Variants in NBAS observed in about 807,000 individuals in gnomAD.
The protein encoded by NBAS is NAG/BC035112 fusion.
Under a neutral mutation model 302.5 loss-of-function variants are expected in NBAS, and 219 were observed. That is an observed-to-expected ratio of 0.72 (90% CI 0.65 to 0.81). NBAS has a LOEUF of 0.81. NBAS is among the 30% of genes least tolerant of loss of function. The pLI is 0.00. For missense variants in NBAS, 2,932 were observed against 2,841.6 expected, an observed-to-expected ratio of 1.03 and a Z score of -0.72; for synonymous variants, 1,118 against 1,021.6, an observed-to-expected ratio of 1.09 and a Z score of -1.80.
the NBAS span, among the ~76,000 whole-genome samples, chr2:14,948,570 C>A: frequency 1.3e-5 from 2 of 151,662 alleles, no homozygotes; most frequent in African/African-American, 2.4e-5. Context: ...ACAAGGAAAA[C>A]CATGAAGCAA....
chr2:15,137,496 C>A, the NBAS span, among the ~76,000 whole-genome samples: 1 of 152,120 alleles, frequency 6.6e-6, no homozygotes, highest in Non-Finnish European at 1.5e-5. Context: ...AAAAATGCAT[C>A]TTATTAGAAC....
At chr2:15,453,606 A>G (rs1379374055) in intron 21 of NBAS, among the ~76,000 whole-genome samples, 1 of 152,170 alleles carries the variant, frequency 6.6e-6, no homozygotes, top group Non-Finnish European at 1.5e-5. Context: ...TCAAATTCAG[A>G]AAGAAAAATG....
Position 15,190,308 on chromosome 2 carries a change from CA to C in NBAS, c.6527del (p.Leu2176TrpfsTer11). 6.2e-7 allele frequency: 1 copy of C among 1,613,908 alleles called. No individual in the cohort carries two copies. ...SSHHEAEFQH[L>X]VLLLQAWPPM... ...GTGGCCAAGCTTGCAAAAGTAAAAC[CA>C]AGTGCTGAAATTCAGCCTCGTGGTG... On this transcript the variant is annotated frameshift_variant, in exon 49 of 52. Coordinates refer to ENST00000281513, the MANE Select transcript of NBAS (RefSeq NM_015909.4). LOFTEE classifies it high-confidence loss of function.
At chr2:14,846,658 C>CA in the NBAS span, among the ~76,000 whole-genome samples, 7 of 151,572 alleles carry the variant, frequency 4.6e-5, no homozygotes, top group Admixed American at 4.6e-4. Flanking sequence ...TAAATAGAAA[C>CA]AAAAAAGTTG....
At chr2:15,431,963 G>A (rs530034244) in intron 21 of NBAS, among the ~76,000 whole-genome samples, 9 of 151,308 alleles carry the variant, frequency 5.9e-5, no homozygotes, top group South Asian at 2.1e-4. Flanking sequence ...TTATTCTTTC[G>A]TTAGGTAAGC....
chr2:15,095,998 G>A, the NBAS span, among the ~76,000 whole-genome samples: 4 of 152,200 alleles, frequency 2.6e-5, no homozygotes, highest in Non-Finnish European at 4.4e-5. Flanking sequence ...CAGCCCAGGC[G>A]CAAGCTCCCT....
intron 6 of NBAS, among the ~76,000 whole-genome samples, chr2:15,542,814 T>G (rs1663915321): frequency 6.6e-6 from 1 of 152,210 alleles, no homozygotes; most frequent in Non-Finnish European, 1.5e-5. Flanking sequence ...TGATAACAGA[T>G]TTTTCCTCTT....
chr2:14,802,599 T>C, the NBAS span, among the ~76,000 whole-genome samples: 6 of 151,818 alleles, frequency 4.0e-5, no homozygotes, highest in Non-Finnish European at 7.4e-5. Context: ...CGTATGTTTA[T>C]TGCAGCATTA....
chr2:14,791,803 C>CATAAATAA, the NBAS span, among the ~76,000 whole-genome samples: 11,579 of 139,056 alleles, frequency 0.083, 904 homozygotes, highest in African/African-American at 0.2. Context: ...GACTCCATCT[C>CATAAATAA]ATAAATAAAT....
the NBAS span, among the ~76,000 whole-genome samples, chr2:15,098,990 T>C: frequency 2.7e-5 from 4 of 150,850 alleles, no homozygotes; most frequent in Non-Finnish European, 5.9e-5. Context: ...CACACACACA[T>C]ATATACACAC....
At chr2:14,906,848 G>A in the NBAS span, among the ~76,000 whole-genome samples, 1 of 152,138 alleles carries the variant, frequency 6.6e-6, no homozygotes, top group African/African-American at 2.4e-5. Flanking sequence ...AAAGTCGAGG[G>A]TGCCCATTAT....
chr2:15,238,409 G>A (rs1667703534), intron 45 of NBAS, 59 bp downstream of exon 45: 2 of 1,538,468 alleles, frequency 1.3e-6, no homozygotes, highest in Non-Finnish European at 1.8e-6. Context: ...TAACTTTCAA[G>A]GAAAAAAGAA....
At chr2:14,851,260 C>G in the NBAS span, among the ~76,000 whole-genome samples, 2 of 143,498 alleles carry the variant, frequency 1.4e-5, no homozygotes, top group Admixed American at 1.3e-4. Context: ...CACCACCGAT[C>G]CCACAGAAAT....
intron 23 of NBAS, among the ~76,000 whole-genome samples, chr2:15,421,176 T>G (rs967336494): frequency 6.6e-6 from 1 of 152,106 alleles, no homozygotes; most frequent in African/African-American, 2.4e-5. Context: ...TCAAATGAAT[T>G]CTCAGAAAGC....
At chr2:15,071,692 T>C in the NBAS span, among the ~76,000 whole-genome samples, 1 of 150,960 alleles carries the variant, frequency 6.6e-6, no homozygotes, top group Non-Finnish European at 1.5e-5. Flanking sequence ...GAAGCCCTGC[T>C]TTATATGGTA....
At chr2:15,052,440 C>T in the NBAS span, among the ~76,000 whole-genome samples, 2 of 152,208 alleles carry the variant, frequency 1.3e-5, no homozygotes, top group South Asian at 2.1e-4. Context: ...TACCCAAGAA[C>T]ACTCCACGGT....
intron 33 of NBAS, among the ~76,000 whole-genome samples, chr2:15,354,405 A>G (rs1408755279): frequency 2.0e-5 from 3 of 152,196 alleles, no homozygotes; most frequent in Non-Finnish European, 4.4e-5. Flanking sequence ...TCTAAGTACA[A>G]AACTTGTAGT....
At chr2:15,345,108 T>C (rs945798345) in intron 35 of NBAS, among the ~76,000 whole-genome samples, 3 of 152,168 alleles carry the variant, frequency 2.0e-5, no homozygotes, top group African/African-American at 7.2e-5. Context: ...AAGACAAGGA[T>C]GCCCTCTCTC....
chr2:14,858,320 A>G, the NBAS span, among the ~76,000 whole-genome samples: 7 of 152,164 alleles, frequency 4.6e-5, no homozygotes, highest in Admixed American at 3.9e-4. Flanking sequence ...GTATATACCC[A>G]AAAGAAAGGA....
Sources: gnomAD v4.1 joint callset for allele counts (sites outside exome capture counted in the v4.1 genomes callset) on GRCh38, gnomAD v4.1.1 for gene constraint, MANE v1.5 for transcripts, NCBI Gene and HGNC (gene_info 2026-07-23, HGNC 2026-07-21) for gene names.